The following APBB1IP variants were observed in gnomAD, a reference collection of about 807,000 sequenced individuals.
APBB1IP encodes the protein amyloid beta precursor protein binding family B member 1 interacting protein.
Under a neutral mutation model 64.9 loss-of-function variants are expected in APBB1IP, and 27 were observed. The ratio of observed to expected loss-of-function variants is 0.42; its 90% CI spans 0.31 to 0.57. The LOEUF is 0.57. Among genes scored for constraint, APBB1IP ranks in the 20% least tolerant of loss-of-function variants. The probability of loss-of-function intolerance (pLI) is 0.20; values close to 1 mark genes in which losing one functional copy is unlikely to be tolerated. For missense variants in APBB1IP, 812 were observed against 845.5 expected (o/e 0.96, Z 0.49); for synonymous variants, 392 against 331.0 (o/e 1.18, Z -2.00).
intron 2 of APBB1IP, among the ~76,000 whole-genome samples, chr10:26,465,665 A>G (rs955709899): frequency 2.0e-5 from 3 of 152,214 alleles, no homozygotes; most frequent in African/African-American, 7.2e-5. Context: ...TTAGGTGACT[A>G]AAGACTGACA....
intron 3 of APBB1IP, 128 bp from the exon 4 acceptor site, chr10:26,496,176 T>C: frequency 3.4e-6 from 2 of 580,710 alleles, no homozygotes; most frequent in Non-Finnish European, 3.0e-6. Flanking sequence ...AGTTACCATA[T>C]GGTTTTCAGA....
intron 8 of APBB1IP, among the ~76,000 whole-genome samples, chr10:26,525,793 G>A (rs748788948): frequency 1.3e-5 from 2 of 152,174 alleles, no homozygotes; most frequent in East Asian, 3.8e-4. Context: ...GAAGAAGTGG[G>A]TATTTTTGTG....
At chr10:26,450,298 A>G (rs1395012187) in intron 2 of APBB1IP, among the ~76,000 whole-genome samples, 2 of 152,236 alleles carry the variant, frequency 1.3e-5, no homozygotes, top group Non-Finnish European at 2.9e-5. Flanking sequence ...TGTTTCAAAC[A>G]TTTAGAACAA....
At chr10:26,565,920 T>G (rs1837037228) in intron 14 of APBB1IP, among the ~76,000 whole-genome samples, 1 of 152,098 alleles carries the variant, frequency 6.6e-6, no homozygotes, top group Non-Finnish European at 1.5e-5. Flanking sequence ...CAGGTTACAA[T>G]GGTCATATAA....
chr10:26,447,370 G>A lies in APBB1IP; in HGVS notation c.-1+8517G>A, dbSNP rs1433750416. Among the ~76,000 whole-genome samples the A allele has an allele frequency of 2.0e-4, 18 of 91,588 alleles. No individual in the cohort carries two copies. In the East Asian group the frequency reaches 2.5e-3, roughly 13 times the overall value. 60.1% of individuals were successfully genotyped at this position (91,588 alleles called of 152,430 possible). On this transcript the variant is annotated intron_variant, in intron 2 of 14. Coordinates refer to ENST00000376236, the MANE Select transcript of APBB1IP (RefSeq NM_019043.4). ...AGCCTGGGTGACAGAGTGAGACTCC[G>A]TCTCAAAAAAAAAAAAAAAAAAAAA...
At chr10:26,539,012 G>C (rs1401970619) in intron 10 of APBB1IP, among the ~76,000 whole-genome samples, 1 of 152,204 alleles carries the variant, frequency 6.6e-6, no homozygotes, top group African/African-American at 2.4e-5. Flanking sequence ...TGAAATAACT[G>C]TATATCCATT....
chr10:26,490,294 C>T (rs1195759668), intron 2 of APBB1IP, among the ~76,000 whole-genome samples: 9 of 152,116 alleles, frequency 5.9e-5, no homozygotes, highest in African/African-American at 1.2e-4. Context: ...TAAATACACA[C>T]ATGAAGAGAT....
At chr10:26,524,954 TC>T (rs1252273466) in intron 8 of APBB1IP, among the ~76,000 whole-genome samples, 11 of 87,432 alleles carry the variant, frequency 1.3e-4, no homozygotes, top group African/African-American at 4.0e-4. Context: ...TTTCTTTCTT[TC>T]TTTTTTTTTT....
At chr10:26,458,365 G>T (rs1051112561) in intron 2 of APBB1IP, among the ~76,000 whole-genome samples, 2 of 151,892 alleles carry the variant, frequency 1.3e-5, no homozygotes, top group African/African-American at 4.8e-5. Context: ...TCCAGCCTGG[G>T]TGACCAAGCA....
At position 26,566,967 on chromosome 10, in the gene APBB1IP, A is replaced by G; in HGVS notation, c.1480A>G (p.Lys494Glu). 1 of 1,575,742 alleles carries G rather than the reference A, an allele frequency of 6.3e-7. No homozygotes were observed. The highest frequency in any genetic ancestry group is 8.5e-7 in the Non-Finnish European group (1 of 1,171,042). The change falls in exon 15 of 15, where the codon AAG (lysine) becomes GAG (glutamate). Residue 494 changes from lysine (K) to glutamate (E), a missense_variant. Physicochemically the swap from Lys to Glu is moderately conservative, Grantham distance 56 (BLOSUM62 1). Around this residue, in one of 3 missense-constraint regions of APBB1IP, gnomAD observed 381 missense variants for 352.1 expected, o/e 1.08. Coordinates refer to ENST00000376236, the MANE Select transcript of APBB1IP (RefSeq NM_019043.4). ...QRHAETSKDK[K>E]PALGNHHDPA... ...TACTGCCACTCGGTTGCAGGATAAGAAGCCAGCCCTCGGGAACCACCACGA... is the reference window on the plus strand; with the variant it reads ...TACTGCCACTCGGTTGCAGGATAAGGAGCCAGCCCTCGGGAACCACCACGA...
intron 8 of APBB1IP, among the ~76,000 whole-genome samples, chr10:26,518,255 T>C (rs1181734139): frequency 4.6e-5 from 1 of 21,822 alleles, no homozygotes; most frequent in Non-Finnish European, 1.4e-4. Context: ...GCCCAGCCTA[T>C]TTTTTTTTTT....
At chr10:26,458,098 C>T (rs1835548171) in intron 2 of APBB1IP, among the ~76,000 whole-genome samples, 1 of 152,162 alleles carries the variant, frequency 6.6e-6, no homozygotes, top group Non-Finnish European at 1.5e-5. Context: ...GAAAGTATTA[C>T]TGAAACTCTC....
intron 6 of APBB1IP, among the ~76,000 whole-genome samples, chr10:26,509,265 C>T (rs1836222731): frequency 6.6e-6 from 1 of 151,976 alleles, no homozygotes; most frequent in Admixed American, 6.6e-5. Flanking sequence ...TATCCAACTA[C>T]AGATGTCTGG....
At chr10:26,494,945 G>C (rs965214102) in intron 3 of APBB1IP, among the ~76,000 whole-genome samples, 1 of 152,082 alleles carries the variant, frequency 6.6e-6, no homozygotes, top group Non-Finnish European at 1.5e-5. Context: ...AGTTGGCTTA[G>C]AGGAAGGGGT....
intron 8 of APBB1IP, among the ~76,000 whole-genome samples, chr10:26,524,988 T>A (rs1836455234): frequency 7.6e-6 from 1 of 130,858 alleles, no homozygotes; most frequent in Non-Finnish European, 1.6e-5. Flanking sequence ...AAAAAAGGAA[T>A]CCTGGCAAGA....
intron 9 of APBB1IP, among the ~76,000 whole-genome samples, chr10:26,535,228 T>G (rs1232698099): frequency 6.6e-6 from 1 of 152,166 alleles, no homozygotes; most frequent in Non-Finnish European, 1.5e-5. Flanking sequence ...TTTCTGATAC[T>G]GATGTATTTA....
chr10:26,567,729 C>T lies in APBB1IP; in HGVS notation c.*241C>T. The T allele has an allele frequency of 1.1e-6, 1 of 931,258 alleles. No homozygotes were observed. 57.7% of individuals were successfully genotyped at this position (931,258 alleles called of 1,614,324 possible). Reference sequence around the variant, plus strand: ...GAATGTATCTTCCCTTCCAAGCTGCCTAAAGCGCTGTTTTAGGTTCATTTA... The same window carrying T: ...GAATGTATCTTCCCTTCCAAGCTGCTTAAAGCGCTGTTTTAGGTTCATTTA... On this transcript the variant is annotated 3_prime_UTR_variant, in exon 15 of 15. Transcript: ENST00000376236.
intron 5 of APBB1IP, chr10:26,501,342 TA>T: frequency 3.5e-6 from 2 of 569,604 alleles, no homozygotes; most frequent in South Asian, 3.0e-5. Context: ...GTAGTTTGCT[TA>T]AAAAATATTT....
intron 6 of APBB1IP, among the ~76,000 whole-genome samples, chr10:26,506,607 G>A (rs1836182568): frequency 6.6e-6 from 1 of 152,110 alleles, no homozygotes; most frequent in African/African-American, 2.4e-5. Flanking sequence ...ACTTTGGGAG[G>A]TTGAAGTGGG....
Sources: allele counts gnomAD v4.1 joint callset (sites outside exome capture counted in the v4.1 genomes callset), GRCh38; gene constraint gnomAD v4.1.1; regional missense constraint gnomAD v4.1.1; transcripts MANE v1.5; gene names NCBI Gene and HGNC (gene_info 2026-07-23, HGNC 2026-07-21).